TFCP2L1: variants seen among roughly 807,000 people sequenced by gnomAD.
TFCP2L1 encodes the protein transcription factor CP2 like 1.
A neutral mutation model predicts 72.2 loss-of-function variants in TFCP2L1; 12 were observed. The ratio of observed to expected loss-of-function variants is 0.17; its 90% CI spans 0.11 to 0.27. TFCP2L1 has a LOEUF of 0.27. Among genes scored for constraint, TFCP2L1 ranks in the 10% least tolerant of loss-of-function variants. TFCP2L1 has a pLI of 1.00. For missense variants in TFCP2L1, 488 were observed against 624.6 expected (o/e 0.78, Z 2.33); for synonymous variants, 260 against 251.0 (o/e 1.04, Z -0.34).
intron 11 of TFCP2L1, 141 bp from the exon 12 acceptor site, chr2:121,234,335 G>C (rs1036569799): frequency 1.3e-6 from 1 of 751,088 alleles, no homozygotes; most frequent in South Asian, 1.7e-5. Flanking sequence ...CCTGTCATGG[G>C]GTGGTGGATG....
rs1686984168 is a variant in TFCP2L1 at position 121,268,751 on chromosome 2, A to G, written c.214+12369T>C. ...GCCACTCAGTTGTTAGGAAAGGCTA[A>G]TTAATAGTGTCATTCAGGCTGGCAT... is the stretch of plus-strand genomic sequence containing the variant. On this transcript the variant is annotated intron_variant, in intron 2 of 14. Coordinates refer to ENST00000263707, the MANE Select transcript of TFCP2L1 (RefSeq NM_014553.3). Among the ~76,000 whole-genome samples, 3 of 150,964 alleles carry G rather than the reference A, an allele frequency of 2.0e-5. No individual in the cohort carries two copies. The Admixed American group carries it at 2.0e-4, about 10-fold the overall frequency.
At chr2:121,233,593 C>A (rs1014554460) in intron 12 of TFCP2L1, among the ~76,000 whole-genome samples, 4 of 152,216 alleles carry the variant, frequency 2.6e-5, no homozygotes, top group African/African-American at 4.8e-5. Context: ...CACCCAGCCA[C>A]AATTTTGCTC....
chr2:121,284,526 G>C lies in TFCP2L1; in HGVS notation c.62+522C>G, dbSNP rs868426156. On this transcript the variant is annotated intron_variant, in intron 1 of 14. Transcript: ENST00000263707. ...GGGCGAACACGCGCAAGACCATCGCGGGAAGTGGGGCGGCCTGCCCCTCCG... is the reference window on the plus strand; with the variant it reads ...GGGCGAACACGCGCAAGACCATCGCCGGAAGTGGGGCGGCCTGCCCCTCCG... Among the ~76,000 whole-genome samples, 5 of 152,346 alleles carry C rather than the reference G, an allele frequency of 3.3e-5. No individual in the cohort carries two copies. In the Middle Eastern group the frequency reaches 0.01, roughly 311 times the overall value.
At chr2:121,266,882 ATTATTTATTTATTTATTTATTTAT>A (rs199919633) in intron 2 of TFCP2L1, among the ~76,000 whole-genome samples, 5 of 145,802 alleles carry the variant, frequency 3.4e-5, no homozygotes, top group African/African-American at 1.3e-4. Context: ...TATTTTTTTC[ATTATTTATTTATTTATTTATTTAT>A]TTATTTATTT....
Position 121,285,159 on chromosome 2 carries a change from C to T in TFCP2L1, c.-50G>A. 7.1e-7 allele frequency: 1 copy of T among 1,410,644 alleles called. No homozygotes were observed. Among genetic ancestry groups the T allele is most frequent in the South Asian group, 1.6e-5 (1 of 64,326 alleles). 87.4% of individuals were successfully genotyped at this position (1,410,644 alleles called of 1,614,324 possible). A position where few individuals can be genotyped will look rare whatever the true frequency, so the allele number is the denominator to read the frequency against. On this transcript the variant is annotated 5_prime_UTR_variant, in exon 1 of 15. Transcript: ENST00000263707. ...CGGGGCGCGGCAGCAAGCGCAGACG[C>T]GGGGCGCGCCGAGGACCCAGCGGCG...
At chr2:121,265,720 A>G (rs1686916868) in intron 2 of TFCP2L1, among the ~76,000 whole-genome samples, 1 of 151,906 alleles carries the variant, frequency 6.6e-6, no homozygotes, top group African/African-American at 2.4e-5. Context: ...CTGACCTCAG[A>G]AGATCCGCCT....
chr2:121,281,013 G>GCCCGACCTCA (rs1255058241), intron 2 of TFCP2L1, 107 bp downstream of exon 2: 6 of 1,474,622 alleles, frequency 4.1e-6, no homozygotes, highest in South Asian at 3.6e-5. Context: ...GCCCGACCTC[G>GCCCGACCTCA]CCCGACCTCA....
At chr2:121,239,098 G>A (rs1412667437) in intron 8 of TFCP2L1, among the ~76,000 whole-genome samples, 5 of 152,124 alleles carry the variant, frequency 3.3e-5, no homozygotes, top group African/African-American at 1.2e-4. Context: ...GCAGAGCTGT[G>A]TGGGACAGCA....
rs1290029977 is a variant in TFCP2L1 at position 121,224,342 on chromosome 2, C to G, written c.1439G>C (p.Ter480SerextTer20). 1 of 1,614,036 alleles carries G rather than the reference C, an allele frequency of 6.2e-7. No homozygotes were observed. Residue 480 changes from the stop codon to serine, a stop_lost, in exon 15 of 15, where the codon TGA becomes TCA. Transcript: ENST00000263707. ...GACAGGTATGAGGTCCACTGCTGCT[C>G]AGAGTCCACATTTCAGGATGATGTG... ...GYHIILKCGL[*>S]
chr2:121,246,990 G>A lies in TFCP2L1; in HGVS notation c.505-20C>T. On this transcript the variant is annotated intron_variant, in intron 5 of 14. Coordinates refer to ENST00000263707, the MANE Select transcript of TFCP2L1 (RefSeq NM_014553.3). ...GTGTACCTGGGAGGAGAAACGTTGG[G>A]CAGGTGGCAAGGAGGCACCAAGCAG... 2 of 1,613,794 alleles carry A rather than the reference G, an allele frequency of 1.2e-6. No homozygotes were observed. The highest frequency in any genetic ancestry group is 1.7e-6 in the Non-Finnish European group (2 of 1,179,838).
intron 13 of TFCP2L1, among the ~76,000 whole-genome samples, chr2:121,227,005 G>A (rs532772928): frequency 6.6e-6 from 1 of 152,334 alleles, no homozygotes; most frequent in South Asian, 2.1e-4. Flanking sequence ...GCAGAAGCAT[G>A]AACCAGATGT....
intron 2 of TFCP2L1, among the ~76,000 whole-genome samples, chr2:121,264,721 C>T (rs1292419103): frequency 1.3e-5 from 2 of 152,142 alleles, no homozygotes; most frequent in African/African-American, 2.4e-5. Context: ...CCCTGGTTCC[C>T]GTGCGCTTCG....
intron 2 of TFCP2L1, among the ~76,000 whole-genome samples, chr2:121,271,468 C>CA (rs1558744851): frequency 6.6e-6 from 1 of 151,932 alleles, no homozygotes; most frequent in African/African-American, 2.4e-5. Context: ...AAGGGGAAAA[C>CA]ATTTTTTTAA....
In TFCP2L1 at chr2:121,281,215, T is replaced by C; in HGVS notation, c.119A>G (p.Asn40Ser). Reference protein sequence around the residue: ...KQEEPQLSPENEARLPPLQYV... With the variant: ...KQEEPQLSPESEARLPPLQYV... ...TTGCAGGGGTGGCAGGCGGGCCTCG[T>C]TCTCGGGGGACAGCTGGGGTTCCTC... The change falls in exon 2 of 15, where the codon AAC becomes AGC. Residue 40 changes from asparagine (N) to serine (S), a missense_variant. By Grantham distance (46) the Asn-to-Ser change is conservative. Transcript: ENST00000263707. 1 of 1,612,680 alleles carries C rather than the reference T, an allele frequency of 6.2e-7. No homozygotes were observed. Among genetic ancestry groups the C allele is most frequent in the East Asian group, 2.2e-5 (1 of 44,824 alleles).
chr2:121,269,536 A>C (rs1687001758), intron 2 of TFCP2L1, among the ~76,000 whole-genome samples: 2 of 152,140 alleles, frequency 1.3e-5, no homozygotes, highest in Admixed American at 6.5e-5. Flanking sequence ...TGGGGCAGGA[A>C]GACTGCTTGA....
chr2:121,224,562 G>C (rs935321198), intron 14 of TFCP2L1, among the ~76,000 whole-genome samples, 175 bp from the exon 15 acceptor site: 1 of 152,198 alleles, frequency 6.6e-6, no homozygotes, highest in South Asian at 2.1e-4. Flanking sequence ...CATCTGCCTC[G>C]TTTAGTGTCT....
intron 2 of TFCP2L1, among the ~76,000 whole-genome samples, chr2:121,269,908 A>C (rs112440985): frequency 0.015 from 520 of 34,518 alleles, 14 homozygotes; most frequent in African/African-American, 0.082. Flanking sequence ...GACTCCATCT[A>C]AAAAAAAAAA....
intron 2 of TFCP2L1, among the ~76,000 whole-genome samples, chr2:121,257,415 G>C (rs1686749677): frequency 6.6e-6 from 1 of 152,180 alleles, no homozygotes; most frequent in Admixed American, 6.5e-5. Context: ...CAAGGGCCCT[G>C]AGCCACACAA....
At chr2:121,277,255 C>G (rs953107493) in intron 2 of TFCP2L1, among the ~76,000 whole-genome samples, 13 of 152,276 alleles carry the variant, frequency 8.5e-5, no homozygotes, top group African/African-American at 3.1e-4. Flanking sequence ...GTCACAGCTA[C>G]TCAGGAAGCT....
Sources: allele counts gnomAD v4.1 joint callset (sites outside exome capture counted in the v4.1 genomes callset), GRCh38; gene constraint gnomAD v4.1.1; transcripts MANE v1.5; gene names NCBI Gene and HGNC (gene_info 2026-07-23, HGNC 2026-07-21).